MAGI1: variants seen among roughly 807,000 people sequenced by gnomAD.
MAGI1 encodes membrane associated guanylate kinase, WW and PDZ domain containing 1.
A neutral mutation model predicts 139.9 loss-of-function variants in MAGI1; 58 were observed. The observed-to-expected ratio is 0.41, with a 90% CI of 0.34 to 0.52. MAGI1 has a LOEUF of 0.52. MAGI1 is among the 20% of genes least tolerant of loss of function. The pLI is 0.12. For synonymous variants in MAGI1, 812 were observed against 737.9 expected, an observed-to-expected ratio of 1.10 and a Z score of -1.63; for missense variants, 1,874 against 1,901.6, an observed-to-expected ratio of 0.99 and a Z score of 0.27.
chr3:65,858,936 T>C (rs558428153), intron 1 of MAGI1, among the ~76,000 whole-genome samples: 14 of 152,304 alleles, frequency 9.2e-5, no homozygotes, highest in Non-Finnish European at 1.8e-4. Flanking sequence ...ATAAGTATAA[T>C]TGGAGCTGTC....
intron 18 of MAGI1, among the ~76,000 whole-genome samples, chr3:65,366,228 T>C (rs1941403657): frequency 6.6e-6 from 1 of 152,246 alleles, no homozygotes; most frequent in African/African-American, 2.4e-5. Context: ...TTACAGCTAC[T>C]ACTTTTTATT....
In MAGI1 at chr3:65,429,671, A is replaced by G; in HGVS notation, c.2016T>C (p.Val672=). The G allele has an allele frequency of 6.2e-7, 1 of 1,613,934 alleles. No individual in the cohort carries two copies. Among genetic ancestry groups the G allele is most frequent in the Non-Finnish European group, 8.5e-7 (1 of 1,179,950 alleles). The change falls in exon 12 of 23, where the codon GTT becomes GTC. Residue 672 remains valine, a synonymous_variant. Transcript: ENST00000402939. Reference sequence around the variant, plus strand: ...TCAGGCCTCGGCACCTTGGGCTGTCAACAATCTGTTTCACTCTTTGGCCAC... The same window carrying G: ...TCAGGCCTCGGCACCTTGGGCTGTCGACAATCTGTTTCACTCTTTGGCCAC... ...GGGGQRVKQI[V]DSPRCRGLKE...
At chr3:65,471,528 T>C (rs2107586102) in intron 4 of MAGI1, among the ~76,000 whole-genome samples, 1 of 152,194 alleles carries the variant, frequency 6.6e-6, no homozygotes, top group South Asian at 2.1e-4. Flanking sequence ...CCTACTAAAC[T>C]AACACCACCA....
At chr3:65,427,607 G>A (rs1340005480) in intron 12 of MAGI1, among the ~76,000 whole-genome samples, 1 of 152,134 alleles carries the variant, frequency 6.6e-6, no homozygotes, top group African/African-American at 2.4e-5. Context: ...AAAGTTTCCA[G>A]GCTGTCAGCC....
intron 13 of MAGI1, among the ~76,000 whole-genome samples, chr3:65,395,676 C>T (rs1437354157): frequency 1.1e-5 from 1 of 92,578 alleles, no homozygotes; most frequent in African/African-American, 3.6e-5. Context: ...GCTAAGTGGA[C>T]TTTCTGAAGA....
Position 66,038,870 on chromosome 3 carries a change from A to T in MAGI1, c.-562T>A, listed in dbSNP as rs2069077728. 1 of 152,046 alleles carries T rather than the reference A, an allele frequency of 6.6e-6. No individual in the cohort carries two copies. The highest frequency in any genetic ancestry group is 2.0e-4 in the East Asian group (1 of 5,082). The allele number at this position is 152,046 out of a possible 1,614,324, so 9.4% of individuals were successfully genotyped here. Reference sequence around the variant, plus strand: ...GGCTTGTTTTGTTACAGTTCATTCTATTCCGCGCCGCGGAGCGCAGCGGCC... The same window carrying T: ...GGCTTGTTTTGTTACAGTTCATTCTTTTCCGCGCCGCGGAGCGCAGCGGCC... On this transcript the variant is annotated 5_prime_UTR_variant, in exon 1 of 23. An upstream open reading frame in the 5' UTR loses its in-frame stop. Transcript: ENST00000402939.
At chr3:65,820,536 C>T (rs1057265663) in intron 1 of MAGI1, among the ~76,000 whole-genome samples, 6 of 152,064 alleles carry the variant, frequency 3.9e-5, no homozygotes, top group Admixed American at 2.0e-4. Flanking sequence ...CTTAATCTTT[C>T]GGGGTCATGA....
rs368189937 is a variant in MAGI1 at position 65,478,762 on chromosome 3, G to T, written c.587C>A (p.Pro196Gln). 6.2e-7 allele frequency: 1 copy of T among 1,614,062 alleles called. No individual in the cohort carries two copies. Among genetic ancestry groups the T allele is most frequent in the South Asian group, 1.1e-5 (1 of 91,070 alleles). Residue 196 changes from proline (P) to glutamine (Q), a missense_variant, in exon 4 of 23, where the codon CCA becomes CAA. This residue lies in a region of MAGI1 where 648 missense variants were observed against 598.1 expected (regional missense o/e 1.08). Transcript: ENST00000402939. The stretch of plus-strand genomic sequence containing the variant: ...CGTCGTGATCACTTTCCCACTGACT[G>T]GCTGGCTAGGAGGCTTGGGTGTCCC... ...YYGTPKPPSQPVSGKVITTDA... is the reference protein window; with the variant it reads ...YYGTPKPPSQQVSGKVITTDA...
intron 2 of MAGI1, among the ~76,000 whole-genome samples, chr3:65,545,417 C>A (rs767789381): frequency 6.6e-6 from 1 of 152,140 alleles, no homozygotes; most frequent in Non-Finnish European, 1.5e-5. Flanking sequence ...TTCCTGTATT[C>A]TCATGGGTCA....
chr3:65,716,111 T>G (rs1164985271), intron 1 of MAGI1, among the ~76,000 whole-genome samples: 2 of 152,240 alleles, frequency 1.3e-5, no homozygotes, highest in African/African-American at 4.8e-5. Flanking sequence ...CAAATTGTTT[T>G]AAAGGCATCC....
chr3:65,538,761 C>T (rs1321944357), intron 2 of MAGI1, among the ~76,000 whole-genome samples: 3 of 152,122 alleles, frequency 2.0e-5, no homozygotes, highest in East Asian at 3.9e-4. Flanking sequence ...AGAGCAGACT[C>T]GTTTCTCTGT....
chr3:65,979,088 T>TCCCCCA (rs2065420254), intron 1 of MAGI1, among the ~76,000 whole-genome samples: 1 of 52,970 alleles, frequency 1.9e-5, no homozygotes. Flanking sequence ...TTTCTTTTCT[T>TCCCCCA]CCCCCCCCCC....
At chr3:65,586,872 T>G (rs1028412723) in intron 2 of MAGI1, among the ~76,000 whole-genome samples, 6 of 152,048 alleles carry the variant, frequency 3.9e-5, no homozygotes, top group Non-Finnish European at 8.8e-5. Flanking sequence ...CAGGGAAGCT[T>G]CTGGTATGGG....
chr3:65,883,311 C>T (rs1171951575), intron 1 of MAGI1, among the ~76,000 whole-genome samples: 1 of 152,136 alleles, frequency 6.6e-6, no homozygotes, highest in Non-Finnish European at 1.5e-5. Context: ...AAATATTTCA[C>T]AAAACCCTCC....
chr3:65,445,012 G>A (rs1473191737), intron 7 of MAGI1, among the ~76,000 whole-genome samples: 1 of 152,146 alleles, frequency 6.6e-6, no homozygotes, highest in Non-Finnish European at 1.5e-5. Flanking sequence ...GAAAAAGGCA[G>A]AAAATATTTA....
chr3:65,364,189 AAAAGGAATCTGTTT>A (rs1941175594), intron 20 of MAGI1, among the ~76,000 whole-genome samples: 1 of 151,546 alleles, frequency 6.6e-6, no homozygotes, highest in Non-Finnish European at 1.5e-5. Flanking sequence ...AAAAAAAAAA[AAAAGGAATCTGTTT>A]AATTTTGCAT....
intron 1 of MAGI1, among the ~76,000 whole-genome samples, chr3:66,024,618 C>T (rs557486741): frequency 6.6e-6 from 1 of 152,172 alleles, no homozygotes; most frequent in South Asian, 2.1e-4. Flanking sequence ...ACCAGCCTGG[C>T]CAACATGGTG....
chr3:65,945,511 T>A lies in MAGI1; in HGVS notation c.313+92485A>T, dbSNP rs1393712221. On this transcript the variant is annotated intron_variant, in intron 1 of 22. Transcript: ENST00000402939. ...TTTGAGTCCTTGTGGACCAACCTTG[T>A]CTAATAGGTAGACAAGGGTGAAAAA... is the stretch of plus-strand genomic sequence containing the variant. Among the ~76,000 whole-genome samples the A allele has an allele frequency of 1.9e-3, 281 of 144,936 alleles. 1 individual carries two copies. Among genetic ancestry groups the A allele is most frequent in the African/African-American group, 6.3e-3 (261 of 41,342 alleles).
chr3:65,547,697 G>T (rs1232640536), intron 2 of MAGI1, among the ~76,000 whole-genome samples: 3 of 152,138 alleles, frequency 2.0e-5, no homozygotes, highest in African/African-American at 7.2e-5. Context: ...TATCTGTTTA[G>T]TGGGAATGAT....
Sources: allele counts gnomAD v4.1 joint callset (sites outside exome capture counted in the v4.1 genomes callset), GRCh38; gene constraint gnomAD v4.1.1; regional missense constraint gnomAD v4.1.1; transcripts MANE v1.5; gene names NCBI Gene and HGNC (gene_info 2026-07-23, HGNC 2026-07-21).